Variants in CHCHD3 observed in about 807,000 individuals in gnomAD.
CHCHD3 encodes coiled-coil-helix-coiled-coil-helix domain containing 3.
In CHCHD3, 20 loss-of-function variants were observed where a neutral mutation model predicts 38.2. That is an observed-to-expected ratio of 0.52 (90% CI 0.37 to 0.76). The LOEUF is 0.76. CHCHD3 is among the 30% of genes least tolerant of loss of function. The pLI, the probability that CHCHD3 is intolerant of heterozygous loss-of-function variation, is 0.00. For synonymous variants in CHCHD3, 82 were observed against 100.0 expected (o/e 0.82, Z 1.07); for missense variants, 245 against 279.2 (o/e 0.88, Z 0.87).
At chr7:132,906,093 G>A (rs1809798247) in intron 4 of CHCHD3, among the ~76,000 whole-genome samples, 1 of 152,114 alleles carries the variant, frequency 6.6e-6, no homozygotes. Context: ...TTGGTAATTA[G>A]CTGGATTTAA....
At chr7:132,996,868 T>C (rs758489524) in intron 3 of CHCHD3, among the ~76,000 whole-genome samples, 1 of 152,312 alleles carries the variant, frequency 6.6e-6, no homozygotes, top group East Asian at 1.9e-4. Context: ...AGATTAACTA[T>C]CGTTAAAAAC....
chr7:132,872,639 G>A (rs1465684278), intron 5 of CHCHD3, among the ~76,000 whole-genome samples: 1 of 152,114 alleles, frequency 6.6e-6, no homozygotes, highest in Non-Finnish European at 1.5e-5. Flanking sequence ...TAATAAAGCT[G>A]GTTCAACTTC....
intron 5 of CHCHD3, among the ~76,000 whole-genome samples, chr7:132,850,883 C>T (rs1732720906): frequency 6.6e-6 from 1 of 152,088 alleles, no homozygotes; most frequent in African/African-American, 2.4e-5. Context: ...TCTCTAAAGC[C>T]CTATATTTCT....
At chr7:132,829,359 A>G (rs1807582127) in intron 6 of CHCHD3, among the ~76,000 whole-genome samples, 1 of 152,204 alleles carries the variant, frequency 6.6e-6, no homozygotes, top group African/African-American at 2.4e-5. Context: ...AACAGTGTGC[A>G]ATTAATATTT....
chr7:132,913,948 C>CTTTTT (rs71178066), intron 4 of CHCHD3, among the ~76,000 whole-genome samples: 16 of 102,262 alleles, frequency 1.6e-4, no homozygotes, highest in East Asian at 5.6e-4. Flanking sequence ...TTTTCTTTTT[C>CTTTTT]TTTTTTTTTT....
intron 4 of CHCHD3, among the ~76,000 whole-genome samples, chr7:132,966,199 G>C (rs1180499670): frequency 6.6e-6 from 1 of 152,188 alleles, no homozygotes; most frequent in Non-Finnish European, 1.5e-5. Flanking sequence ...CTGCTCTTGA[G>C]AGAACGGAAG....
At position 132,818,784 on chromosome 7, in the gene CHCHD3, A is replaced by G. The variant is rs371124713; in HGVS notation, c.524+19615T>C. On this transcript the variant is annotated intron_variant, in intron 6 of 7. Coordinates refer to ENST00000262570, the MANE Select transcript of CHCHD3 (RefSeq NM_017812.4). ...CTATATAGAAATCTGAACTGAAGGA[A>G]TTCCCAATTAATGACAAGTCTTAAT... Among the ~76,000 whole-genome samples the G allele has an allele frequency of 3.3e-5, 5 of 152,306 alleles. No homozygotes were observed. In the South Asian group the frequency reaches 6.2e-4, roughly 19 times the overall value.
intron 1 of CHCHD3, among the ~76,000 whole-genome samples, chr7:133,078,066 G>A (rs893403335): frequency 6.6e-6 from 1 of 152,186 alleles, no homozygotes; most frequent in Non-Finnish European, 1.5e-5. Flanking sequence ...CCAGCACTTT[G>A]GGAGGCTGAG....
intron 4 of CHCHD3, among the ~76,000 whole-genome samples, chr7:132,956,185 C>A (rs745674289): frequency 6.6e-6 from 1 of 152,198 alleles, no homozygotes; most frequent in Non-Finnish European, 1.5e-5. Flanking sequence ...GAATCTGAAG[C>A]CTGTTGGCCT....
At chr7:132,810,220 T>C (rs1421320970) in intron 6 of CHCHD3, among the ~76,000 whole-genome samples, 2 of 152,202 alleles carry the variant, frequency 1.3e-5, no homozygotes, top group Non-Finnish European at 2.9e-5. Flanking sequence ...TAATATTCCA[T>C]AAATTAAATA....
chr7:132,843,859 G>C (rs754540930), intron 5 of CHCHD3, among the ~76,000 whole-genome samples: 1 of 152,176 alleles, frequency 6.6e-6, no homozygotes, highest in Non-Finnish European at 1.5e-5. Flanking sequence ...TGTAAGACTT[G>C]TATGATCTGT....
chr7:133,022,262 T>C, intron 3 of CHCHD3: 1 of 354,136 alleles, frequency 2.8e-6, no homozygotes, highest in Admixed American at 3.3e-5. Flanking sequence ...GCTTGAGAAC[T>C]GGTCAACAGG....
chr7:132,829,548 T>C (rs564513588), intron 6 of CHCHD3, among the ~76,000 whole-genome samples: 5 of 152,292 alleles, frequency 3.3e-5, no homozygotes, highest in Non-Finnish European at 5.9e-5. Context: ...GGTTTGATCA[T>C]TTACATGTTT....
chr7:132,825,316 C>T (rs931400106), intron 6 of CHCHD3, among the ~76,000 whole-genome samples: 2 of 152,176 alleles, frequency 1.3e-5, no homozygotes, highest in African/African-American at 4.8e-5. Context: ...TGTCGGAATT[C>T]ACTAACAGAA....
intron 4 of CHCHD3, among the ~76,000 whole-genome samples, chr7:132,916,543 T>C (rs1004888403): frequency 3.3e-5 from 5 of 152,222 alleles, no homozygotes; most frequent in African/African-American, 4.8e-5. Context: ...ATTGTTATAA[T>C]TGTTTTAATT....
rs184830315 is a variant in CHCHD3, at chr7:132,870,889, G to A, written c.453+14773C>T. On this transcript the variant is annotated intron_variant, in intron 5 of 7. Transcript: ENST00000262570. ...TTCTGTTTCATTGCTTGAAAAAAGT[G>A]TAATTTTATACTAGATGAATGCTAA... Among the ~76,000 whole-genome samples the A allele has an allele frequency of 8.0e-4, 122 of 152,138 alleles. 1 individual carries two copies. The East Asian group carries it at 0.023, about 28-fold the overall frequency.
At chr7:133,038,053 T>G (rs1268073984) in intron 2 of CHCHD3, among the ~76,000 whole-genome samples, 1 of 152,230 alleles carries the variant, frequency 6.6e-6, no homozygotes, top group Non-Finnish European at 1.5e-5. Flanking sequence ...TTACATAGTA[T>G]ATCAGTTTAG....
chr7:132,873,446 C>T (rs1178746782), intron 5 of CHCHD3, among the ~76,000 whole-genome samples: 2 of 143,854 alleles, frequency 1.4e-5, no homozygotes, highest in Non-Finnish European at 3.0e-5. Context: ...ACGGGTCTCG[C>T]TGTGTCACCC....
intron 7 of CHCHD3, 25 bp from the exon 8 acceptor site, chr7:132,785,685 GT>G (rs777985155): frequency 1.6e-4 from 253 of 1,613,448 alleles, no homozygotes; most frequent in Non-Finnish European, 2.1e-4. Context: ...GAAAGAGTAA[GT>G]TTTACCACCG....
Sources: allele counts gnomAD v4.1 joint callset (sites outside exome capture counted in the v4.1 genomes callset), GRCh38; gene constraint gnomAD v4.1.1; transcripts MANE v1.5; gene names NCBI Gene and HGNC (gene_info 2026-07-23, HGNC 2026-07-21).